Variants in CPD observed in about 807,000 individuals in gnomAD.
The protein encoded by CPD is carboxypeptidase D.
In CPD, 69 loss-of-function variants were observed where a neutral mutation model predicts 138.3. That is an observed-to-expected ratio of 0.50 (90% CI 0.41 to 0.61). The LOEUF is 0.61. CPD is among the 20% of genes least tolerant of loss of function. The probability of loss-of-function intolerance (pLI) is 0.00; values close to 1 mark genes in which losing one functional copy is unlikely to be tolerated. For synonymous variants in CPD, 651 were observed against 642.1 expected, an observed-to-expected ratio of 1.01 and a Z score of -0.21; for missense variants, 1,432 against 1,733.3, an observed-to-expected ratio of 0.83 and a Z score of 3.09.
chr17:30,391,096 C>G (rs1420156455), intron 2 of CPD, among the ~76,000 whole-genome samples: 2 of 148,406 alleles, frequency 1.3e-5, no homozygotes, highest in Non-Finnish European at 3.0e-5. Context: ...TCCCAAAGTG[C>G]TGGGATTACA....
At chr17:30,451,546 A>T (rs954110109) in intron 13 of CPD, among the ~76,000 whole-genome samples, 165 bp from the exon 14 acceptor site, 2 of 152,212 alleles carry the variant, frequency 1.3e-5, no homozygotes, top group Non-Finnish European at 2.9e-5. Flanking sequence ...TTTTTAATAT[A>T]TTTGAAGCAA....
At chr17:30,412,663 G>A (rs1405891025) in intron 2 of CPD, among the ~76,000 whole-genome samples, 9 of 152,146 alleles carry the variant, frequency 5.9e-5, no homozygotes, top group Non-Finnish European at 1.0e-4. Flanking sequence ...ATAAGGCTTC[G>A]TGGGTGTGGG....
chr17:30,396,431 AT>A (rs1407984125), intron 2 of CPD, among the ~76,000 whole-genome samples: 1 of 151,986 alleles, frequency 6.6e-6, no homozygotes, highest in Non-Finnish European at 1.5e-5. Context: ...CATTGGCTGT[AT>A]TTTTTCTTTT....
chr17:30,460,996 T>C (rs1053003505), intron 17 of CPD, among the ~76,000 whole-genome samples, 184 bp from the exon 18 acceptor site: 11 of 152,230 alleles, frequency 7.2e-5, no homozygotes, highest in African/African-American at 1.4e-4. Flanking sequence ...AGGGCTCTCA[T>C]AGAGTTTGTG....
intron 17 of CPD, chr17:30,456,914 A>G (rs1913316775): frequency 5.6e-6 from 1 of 179,840 alleles, no homozygotes; most frequent in African/African-American, 2.4e-5. Context: ...AGAATAGGTG[A>G]CTTTTCTGGT....
intron 2 of CPD, 26 bp downstream of exon 2, chr17:30,385,262 A>G (rs761416423): frequency 1.2e-6 from 2 of 1,609,814 alleles, no homozygotes; most frequent in African/African-American, 2.7e-5. Flanking sequence ...AGTTTGCTAC[A>G]TTTTCCCCCT....
intron 12 of CPD, among the ~76,000 whole-genome samples, chr17:30,448,566 G>A (rs911362768): frequency 5.9e-5 from 9 of 152,040 alleles, no homozygotes; most frequent in Non-Finnish European, 1.3e-4. Context: ...AAAGCAATAA[G>A]GTTTCTGTTA....
intron 8 of CPD, among the ~76,000 whole-genome samples, chr17:30,437,825 G>C (rs1040024241): frequency 4.0e-5 from 6 of 151,882 alleles, no homozygotes; most frequent in Admixed American, 3.3e-4. Context: ...GTTTCTAGAT[G>C]GGGATCGTTT....
intron 7 of CPD, among the ~76,000 whole-genome samples, chr17:30,431,006 G>T (rs1001635421): frequency 6.6e-6 from 1 of 152,248 alleles, no homozygotes; most frequent in Admixed American, 6.5e-5. Flanking sequence ...ATTGTCATAT[G>T]ATAATTCCAT....
At chr17:30,455,232 AT>A in intron 14 of CPD, 106 bp from the exon 15 acceptor site, 1 of 938,092 alleles carries the variant, frequency 1.1e-6, no homozygotes, top group Non-Finnish European at 1.6e-6. Context: ...TTATCTACAA[AT>A]TTTTAAGTTA....
rs1032433944 is a variant in CPD at position 30,439,020 on chromosome 17, C to A, written c.2173C>A (p.Pro725Thr). The change falls in exon 9 of 21, where the codon CCT becomes ACT. Residue 725 changes from proline to threonine, a missense_variant. Physicochemically the swap from Pro to Thr is conservative, Grantham distance 38 (BLOSUM62 -1). Transcript: ENST00000225719. ...AGGTAGACCTTGCAAGAATATGTAT[C>A]CTAATGAATATTTTCCTCATGGAAT... ...FQGRPCKNMY[P>T]NEYFPHGITN... 3 of 1,589,086 alleles carry A rather than the reference C, an allele frequency of 1.9e-6. No individual in the cohort carries two copies. The highest frequency in any genetic ancestry group is 2.6e-6 in the Non-Finnish European group (3 of 1,172,900).
At chr17:30,391,867 G>A (rs1452867260) in intron 2 of CPD, among the ~76,000 whole-genome samples, 1 of 152,136 alleles carries the variant, frequency 6.6e-6, no homozygotes, top group African/African-American at 2.4e-5. Flanking sequence ...CTTGAAGATA[G>A]GGACTTTGTT....
intron 17 of CPD, among the ~76,000 whole-genome samples, chr17:30,458,267 A>G (rs1406091677): frequency 6.6e-6 from 1 of 152,226 alleles, no homozygotes; most frequent in Non-Finnish European, 1.5e-5. Flanking sequence ...TATCAGATAC[A>G]TGATTTGCAA....
intron 2 of CPD, among the ~76,000 whole-genome samples, chr17:30,394,207 A>C (rs1404572766): frequency 2.2e-5 from 3 of 138,498 alleles, no homozygotes; most frequent in Non-Finnish European, 4.5e-5. Context: ...CAGGGTTCAT[A>C]GGATCAAGTC....
At chr17:30,388,649 C>A (rs75325208) in intron 2 of CPD, among the ~76,000 whole-genome samples, 2,635 of 152,318 alleles carry the variant, frequency 0.017, 79 homozygotes, top group African/African-American at 0.06. Context: ...GGTCGGGGGA[C>A]GCAGCTGCTG....
At chr17:30,428,557 TAC>T (rs1912482566) in intron 7 of CPD, among the ~76,000 whole-genome samples, 1 of 152,208 alleles carries the variant, frequency 6.6e-6, no homozygotes. Context: ...CTTGAAACCT[TAC>T]ACTAAGTGAC....
chr17:30,413,755 G>A (rs1477884495), intron 2 of CPD, among the ~76,000 whole-genome samples: 2 of 152,194 alleles, frequency 1.3e-5, no homozygotes, highest in Admixed American at 6.5e-5. Context: ...TGTAGAAAAA[G>A]CAACAAGGTA....
intron 2 of CPD, among the ~76,000 whole-genome samples, chr17:30,419,224 A>C (rs987452880): frequency 6.6e-6 from 1 of 152,102 alleles, no homozygotes; most frequent in Admixed American, 6.5e-5. Flanking sequence ...TCTTTGATGA[A>C]CTCCTAATAA....
At chr17:30,382,162 G>C (rs1465457143) in intron 1 of CPD, among the ~76,000 whole-genome samples, 1 of 151,980 alleles carries the variant, frequency 6.6e-6, no homozygotes, top group East Asian at 1.9e-4. Flanking sequence ...TGATTTTTTT[G>C]GGGGCTTATG....
Sources: gnomAD v4.1 joint callset for allele counts (sites outside exome capture counted in the v4.1 genomes callset) on GRCh38, gnomAD v4.1.1 for gene constraint, MANE v1.5 for transcripts, NCBI Gene and HGNC (gene_info 2026-07-23, HGNC 2026-07-21) for gene names.